The following EGFR variants were observed in gnomAD, a reference collection of about 807,000 sequenced individuals.
EGFR encodes the protein epidermal growth factor receptor.
Under a neutral mutation model 143.0 loss-of-function variants are expected in EGFR, and 58 were observed. The observed-to-expected ratio is 0.41, with a 90% CI of 0.33 to 0.50. EGFR has a LOEUF of 0.50. Among genes scored for constraint, EGFR ranks in the 20% least tolerant of loss-of-function variants. The probability of loss-of-function intolerance (pLI) is 0.39; values close to 1 mark genes in which losing one functional copy is unlikely to be tolerated. For synonymous variants in EGFR, 613 were observed against 594.4 expected, an observed-to-expected ratio of 1.03 and a Z score of -0.45; for missense variants, 1,307 against 1,579.0, an observed-to-expected ratio of 0.83 and a Z score of 2.92.
intron 18 of EGFR, 47 bp downstream of exon 18, chr7:55,174,090 A>G (rs2128953888): frequency 3.7e-6 from 6 of 1,613,336 alleles, no homozygotes; most frequent in South Asian, 1.1e-5. Context: ...AGGGCCTCTC[A>G]TGGTCTGGTG....
chr7:55,059,894 C>G (rs1789068459), intron 1 of EGFR, among the ~76,000 whole-genome samples: 1 of 152,080 alleles, frequency 6.6e-6, no homozygotes, highest in Non-Finnish European at 1.5e-5. Context: ...TGGACATGTT[C>G]TGACCCAGAT....
intron 1 of EGFR, among the ~76,000 whole-genome samples, chr7:55,085,959 C>T (rs919546451): frequency 7.9e-5 from 12 of 152,180 alleles, no homozygotes; most frequent in Admixed American, 4.6e-4. Context: ...TGTACTGGAA[C>T]ATTCCCTCCC....
At chr7:55,168,547 A>C in intron 15 of EGFR, 1 of 1,608,790 alleles carries the variant, frequency 6.2e-7, no homozygotes, top group Non-Finnish European at 8.5e-7. Flanking sequence ...TCACTGTCTG[A>C]CTTTAGTCTC....
chr7:55,192,007 G>C lies in EGFR; in HGVS notation c.2625+133G>C, dbSNP rs2128965009. On this transcript the variant is annotated intron_variant, in intron 21 of 27. Coordinates refer to ENST00000275493, the MANE Select transcript of EGFR (RefSeq NM_005228.5). ...CATTCTGGGTGAGCTCGCAGCAGCT[G>C]CTGCTGGCAGCTGGGTCCAGCCAGG... The C allele has an allele frequency of 2.2e-6, 3 of 1,361,506 alleles. No individual in the cohort carries two copies. In the South Asian group the frequency reaches 3.7e-5, roughly 17 times the overall value. The allele number at this position is 1,361,506 out of a possible 1,614,324, so 84.3% of individuals were successfully genotyped here.
chr7:55,041,230 T>C (rs1026389303), intron 1 of EGFR, among the ~76,000 whole-genome samples: 2 of 152,152 alleles, frequency 1.3e-5, no homozygotes, highest in Admixed American at 1.3e-4. Flanking sequence ...CTGGCCAACA[T>C]GGCAAAACCT....
At chr7:55,087,284 C>CAA (rs55890622) in intron 1 of EGFR, among the ~76,000 whole-genome samples, 1 of 117,642 alleles carries the variant, frequency 8.5e-6, no homozygotes, top group Non-Finnish European at 1.7e-5. Context: ...AAAAAAAAAA[C>CAA]AAAAAAAAAA....
intron 1 of EGFR, among the ~76,000 whole-genome samples, chr7:55,046,382 AAACCTACTTCC>A (rs1246537325): frequency 3.3e-5 from 5 of 152,214 alleles, no homozygotes; most frequent in Non-Finnish European, 5.9e-5. Context: ...ATGTACACAT[AAACCTACTTCC>A]AAAATAATGA....
intron 1 of EGFR, among the ~76,000 whole-genome samples, chr7:55,094,481 G>C (rs1310341509): frequency 6.6e-6 from 1 of 152,226 alleles, no homozygotes; most frequent in East Asian, 1.9e-4. Context: ...GTAGGCAGTT[G>C]ATCCACAGAT....
intron 19 of EGFR, among the ~76,000 whole-genome samples, chr7:55,175,644 C>T (rs1411276426): frequency 6.6e-6 from 1 of 151,996 alleles, no homozygotes; most frequent in Non-Finnish European, 1.5e-5. Context: ...GAAGCAGAAT[C>T]GAGGAAAAGG....
chr7:55,114,314 G>A (rs1301799463), intron 1 of EGFR, among the ~76,000 whole-genome samples: 2 of 152,246 alleles, frequency 1.3e-5, no homozygotes, highest in South Asian at 2.1e-4. Context: ...GGCAAGGCAG[G>A]AGGATCACTT....
At chr7:55,025,894 C>T (rs1489638547) in intron 1 of EGFR, among the ~76,000 whole-genome samples, 1 of 152,176 alleles carries the variant, frequency 6.6e-6, no homozygotes, top group Non-Finnish European at 1.5e-5. Context: ...GCTGCAAATA[C>T]TCGGAATGGG....
At position 55,123,357 on chromosome 7, in the gene EGFR, T is replaced by G. The variant is rs1033958470; in HGVS notation, c.89-18929T>G. Among the ~76,000 whole-genome samples the G allele has an allele frequency of 3.9e-5, 6 of 152,354 alleles. No individual in the cohort carries two copies. The East Asian group carries it at 7.7e-4, about 20-fold the overall frequency. On this transcript the variant is annotated intron_variant, in intron 1 of 27. Transcript: ENST00000275493. The stretch of plus-strand genomic sequence containing the variant: ...TCAATTAAGAAATTAATTTGCAAAT[T>G]TTATTTGCTTAGAGTAATTGATATA...
chr7:55,028,274 T>A (rs1328565384), intron 1 of EGFR, among the ~76,000 whole-genome samples: 1 of 152,084 alleles, frequency 6.6e-6, no homozygotes, highest in African/African-American at 2.4e-5. Context: ...ATAAAATTGA[T>A]GCATTGCACA....
At chr7:55,136,658 A>C (rs911583605) in intron 1 of EGFR, among the ~76,000 whole-genome samples, 1 of 152,242 alleles carries the variant, frequency 6.6e-6, no homozygotes, top group Non-Finnish European at 1.5e-5. Context: ...GTGTGAAAGC[A>C]ATGCACATTC....
chr7:55,201,090 C>T (rs1191587929), intron 24 of EGFR, 98 bp from the exon 25 acceptor site: 15 of 1,512,220 alleles, frequency 9.9e-6, no homozygotes, highest in African/African-American at 4.1e-5. Flanking sequence ...TTGGCAAACA[C>T]ACAGGCACCT....
At chr7:55,141,771 A>G (rs1794472677) in intron 1 of EGFR, among the ~76,000 whole-genome samples, 2 of 152,206 alleles carry the variant, frequency 1.3e-5, no homozygotes, top group East Asian at 1.9e-4. Context: ...TGCACGCACA[A>G]CAATGTGACT....
intron 1 of EGFR, among the ~76,000 whole-genome samples, chr7:55,083,946 C>T (rs552405181): frequency 7.4e-4 from 112 of 152,212 alleles, no homozygotes; most frequent in Middle Eastern, 3.4e-3. Context: ...GATTGGGATC[C>T]TAAAATACAG....
chr7:55,058,290 A>T (rs1016440649), intron 1 of EGFR, among the ~76,000 whole-genome samples: 2 of 152,164 alleles, frequency 1.3e-5, no homozygotes, highest in African/African-American at 4.8e-5. Flanking sequence ...GCTACTCGGA[A>T]GGCTGAGGCA....
Position 55,200,814 on chromosome 7 carries a change from A to G in EGFR, c.2947-374A>G, listed in dbSNP as rs988511352. Reference sequence around the variant, plus strand: ...ACCTATCTCCTTCCATAACACAGGAATACCAAAACCAAGCTCACAGGATTG... The same window carrying G: ...ACCTATCTCCTTCCATAACACAGGAGTACCAAAACCAAGCTCACAGGATTG... On this transcript the variant is annotated intron_variant, in intron 24 of 27. Transcript: ENST00000275493. 26 of 475,666 alleles carry G rather than the reference A, an allele frequency of 5.5e-5. No homozygotes were observed. The East Asian group carries it at 9.4e-4, about 17-fold the overall frequency. The allele number at this position is 475,666 out of a possible 1,614,324, so 29.5% of individuals were successfully genotyped here.
Sources: allele counts gnomAD v4.1 joint callset (sites outside exome capture counted in the v4.1 genomes callset), GRCh38; gene constraint gnomAD v4.1.1; transcripts MANE v1.5; gene names NCBI Gene and HGNC (gene_info 2026-07-23, HGNC 2026-07-21).